Variants in EGFLAM observed in about 807,000 individuals in gnomAD.
EGFLAM encodes pikachurin.
Under a neutral mutation model 113.1 loss-of-function variants are expected in EGFLAM, and 79 were observed. That is an observed-to-expected ratio of 0.70 (90% CI 0.58 to 0.84). The LOEUF is 0.84. Ranked by LOEUF, EGFLAM falls within the 40% of genes least tolerant of loss-of-function variation. The pLI, the probability that EGFLAM is intolerant of heterozygous loss-of-function variation, is 0.00. For synonymous variants in EGFLAM, 504 were observed against 487.6 expected (o/e 1.03, Z -0.44); for missense variants, 1,265 against 1,291.6 (o/e 0.98, Z 0.32).
intron 6 of EGFLAM, among the ~76,000 whole-genome samples, chr5:38,377,898 A>G (rs908694178): frequency 6.6e-6 from 1 of 152,158 alleles, no homozygotes; most frequent in Non-Finnish European, 1.5e-5. Context: ...CCAAGCCCTC[A>G]TTTTACCCCT....
intron 1 of EGFLAM, among the ~76,000 whole-genome samples, chr5:38,317,581 G>C (rs1404262499): frequency 6.6e-6 from 1 of 152,156 alleles, no homozygotes; most frequent in Non-Finnish European, 1.5e-5. Context: ...CCAGAACCAT[G>C]AGTCTAAGTT....
At chr5:38,456,423 C>A (rs1288586147) in intron 19 of EGFLAM, among the ~76,000 whole-genome samples, 1 of 152,142 alleles carries the variant, frequency 6.6e-6, no homozygotes, top group African/African-American at 2.4e-5. Context: ...GCAACTCGCC[C>A]TACTTCCTAT....
At chr5:38,395,992 A>G (rs1448051959) in intron 6 of EGFLAM, among the ~76,000 whole-genome samples, 1 of 122,074 alleles carries the variant, frequency 8.2e-6, no homozygotes, top group Non-Finnish European at 1.8e-5. Context: ...ACAACCCACC[A>G]CCTACCACTC....
intron 6 of EGFLAM, among the ~76,000 whole-genome samples, chr5:38,400,840 G>T (rs1488341786): frequency 5.3e-5 from 8 of 152,118 alleles, no homozygotes; most frequent in Non-Finnish European, 1.2e-4. Context: ...TGGATTCTTT[G>T]AGCCTTAGTT....
intron 17 of EGFLAM, among the ~76,000 whole-genome samples, chr5:38,446,362 T>C (rs906046191): frequency 1.3e-5 from 2 of 152,128 alleles, no homozygotes; most frequent in Non-Finnish European, 2.9e-5. Flanking sequence ...GGCTGCCTTC[T>C]CTCCCGGTTG....
chr5:38,408,782 C>T lies in EGFLAM; in HGVS notation c.1249-222C>T, dbSNP rs184107072. ...GTCAAAGATGGGGTCACCTTGCTCT[C>T]GCCTCACTGCTACCCCTCAGTTTAT... is the stretch of plus-strand genomic sequence containing the variant. On this transcript the variant is annotated intron_variant, in intron 9 of 21. Transcript: ENST00000322350. 2.6e-5 allele frequency among the ~76,000 whole-genome samples: 4 copies of T among 152,306 alleles called. No homozygotes were observed. In the East Asian group the frequency reaches 7.7e-4, roughly 29 times the overall value.
chr5:38,315,894 G>A (rs1397428832), intron 1 of EGFLAM, among the ~76,000 whole-genome samples: 1 of 152,102 alleles, frequency 6.6e-6, no homozygotes, highest in East Asian at 1.9e-4. Context: ...TGTCCAACAT[G>A]GTGAAACTCT....
At chr5:38,302,199 T>G (rs935575537) in intron 1 of EGFLAM, among the ~76,000 whole-genome samples, 3 of 149,230 alleles carry the variant, frequency 2.0e-5, no homozygotes, top group African/African-American at 7.5e-5. Context: ...ATAGTGCCAT[T>G]GCACTCCGGC....
intron 5 of EGFLAM, among the ~76,000 whole-genome samples, chr5:38,356,558 G>A (rs1579814272): frequency 6.6e-6 from 1 of 152,282 alleles, no homozygotes; most frequent in South Asian, 2.1e-4. Flanking sequence ...CTTCCGGCCC[G>A]GTGCTCTTTT....
chr5:38,448,536 A>G, intron 18 of EGFLAM, 157 bp downstream of exon 18: 2 of 709,206 alleles, frequency 2.8e-6, no homozygotes, highest in Non-Finnish European at 4.7e-6. Flanking sequence ...ACAAGAAATA[A>G]ACATAGAAAC....
intron 1 of EGFLAM, among the ~76,000 whole-genome samples, chr5:38,316,024 C>T (rs1437656589): frequency 6.7e-6 from 1 of 148,386 alleles, no homozygotes; most frequent in Non-Finnish European, 1.5e-5. Flanking sequence ...TTGCAATGAG[C>T]TCAGATCGCG....
intron 1 of EGFLAM, among the ~76,000 whole-genome samples, chr5:38,327,946 A>G (rs1738931886): frequency 1.3e-5 from 2 of 152,214 alleles, no homozygotes; most frequent in Non-Finnish European, 2.9e-5. Flanking sequence ...TGGCCTAACT[A>G]CTGCCCTTTC....
At chr5:38,413,838 C>T (rs768736635) in intron 11 of EGFLAM, among the ~76,000 whole-genome samples, 5 of 152,278 alleles carry the variant, frequency 3.3e-5, no homozygotes, top group South Asian at 2.1e-4. Context: ...GGGATGGTTT[C>T]GGGATAAACT....
intron 19 of EGFLAM, among the ~76,000 whole-genome samples, chr5:38,455,670 A>T (rs1264420614): frequency 6.6e-6 from 1 of 152,122 alleles, no homozygotes; most frequent in Non-Finnish European, 1.5e-5. Flanking sequence ...ATCAGATGGA[A>T]TTGAAGGGTT....
chr5:38,327,463 ATCAATTAGCTTTCTTC>A (rs1435344993), intron 1 of EGFLAM, among the ~76,000 whole-genome samples: 2 of 152,236 alleles, frequency 1.3e-5, no homozygotes, highest in African/African-American at 4.8e-5. Flanking sequence ...ACCCTAATGT[ATCAATTAGCTTTCTTC>A]TCTTGCCTTC....
chr5:38,418,562 C>T (rs1002516470), intron 12 of EGFLAM, among the ~76,000 whole-genome samples: 1 of 152,184 alleles, frequency 6.6e-6, no homozygotes. Context: ...AAGCAACAAG[C>T]GATCCAGCCC....
At chr5:38,272,607 A>G (rs543305466) in intron 1 of EGFLAM, among the ~76,000 whole-genome samples, 1 of 152,348 alleles carries the variant, frequency 6.6e-6, no homozygotes, top group African/African-American at 2.4e-5. Flanking sequence ...AAAGCAAAGC[A>G]GCCAAAAGCT....
At chr5:38,424,877 C>A in intron 12 of EGFLAM, 90 bp from the exon 13 acceptor site, 2 of 1,525,206 alleles carry the variant, frequency 1.3e-6, no homozygotes, top group South Asian at 2.6e-5. Flanking sequence ...TGTATTTATT[C>A]AGAACCATGA....
At chr5:38,303,328 G>A (rs989120438) in intron 1 of EGFLAM, among the ~76,000 whole-genome samples, 1 of 152,182 alleles carries the variant, frequency 6.6e-6, no homozygotes, top group Non-Finnish European at 1.5e-5. Flanking sequence ...GAAGACAATG[G>A]TAATTACAAG....
Sources: allele counts gnomAD v4.1 joint callset (sites outside exome capture counted in the v4.1 genomes callset), GRCh38; gene constraint gnomAD v4.1.1; transcripts MANE v1.5; gene names NCBI Gene and HGNC (gene_info 2026-07-23, HGNC 2026-07-21).